SPAG16: variants seen among roughly 807,000 people sequenced by gnomAD.
SPAG16 encodes the protein sperm associated antigen 16.
In SPAG16, 86 loss-of-function variants were observed where a neutral mutation model predicts 80.4. The observed-to-expected ratio is 1.07, with a 90% CI of 0.90 to 1.28. The LOEUF (loss-of-function observed/expected upper bound fraction) is 1.28, where lower values mean the gene tolerates loss of function less well. Among genes scored for constraint, SPAG16 ranks in the 50% most tolerant of loss-of-function variants. SPAG16 has a pLI of 0.00. For missense variants in SPAG16, 870 were observed against 765.3 expected (o/e 1.14, Z -1.61); for synonymous variants, 294 against 265.9 (o/e 1.11, Z -1.03).
At chr2:214,050,132 G>A (rs1259450804) in intron 13 of SPAG16, among the ~76,000 whole-genome samples, 2 of 151,952 alleles carry the variant, frequency 1.3e-5, no homozygotes, top group African/African-American at 2.4e-5. Flanking sequence ...GGGAAGAGGC[G>A]AGAAGTGAAG....
chr2:213,597,011 T>C (rs573799264), intron 10 of SPAG16, among the ~76,000 whole-genome samples: 113 of 152,188 alleles, frequency 7.4e-4, no homozygotes, highest in African/African-American at 2.6e-3. Flanking sequence ...AGAATGCAAG[T>C]GAAAAAGACA....
rs71060436 is a variant in SPAG16, at chr2:213,525,284, C to CTTTT, written c.1070+35213_1070+35216dup. Among the ~76,000 whole-genome samples, 44 of 100,314 alleles carry CTTTT rather than the reference C, an allele frequency of 4.4e-4. 1 individual carries two copies. The highest frequency in any genetic ancestry group is 5.6e-4 in the East Asian group (2 of 3,544). 65.8% of individuals were successfully genotyped at this position (100,314 alleles called of 152,430 possible). On this transcript the variant is annotated intron_variant, in intron 10 of 15. Coordinates refer to ENST00000331683, the MANE Select transcript of SPAG16 (RefSeq NM_024532.5). ...AATCAATTAAACCTCTTTTCCTTTT[C>CTTTT]TTTTTTTTTTTTTTTTTTTTTTGAG...
intron 11 of SPAG16, among the ~76,000 whole-genome samples, chr2:213,887,849 T>C (rs529084393): frequency 6.6e-5 from 10 of 151,978 alleles, no homozygotes; most frequent in African/African-American, 2.4e-4. Context: ...TATTATTAAA[T>C]TGTACTTTAT....
rs1369089256 is a variant in SPAG16 at position 213,771,578 on chromosome 2, A to G, written c.1071-90907A>G. 3.3e-5 allele frequency among the ~76,000 whole-genome samples: 5 copies of G among 151,974 alleles called. No individual in the cohort carries two copies. The East Asian group carries it at 7.7e-4, about 23-fold the overall frequency. On this transcript the variant is annotated intron_variant, in intron 10 of 15. Coordinates refer to ENST00000331683, the MANE Select transcript of SPAG16 (RefSeq NM_024532.5). ...CTAGATTTTCTTCTAGGGTTTTTAT[A>G]GTTTTGGGTTTTACATTTAAGTCTT...
At chr2:214,141,381 C>T (rs1393818495) in intron 14 of SPAG16, among the ~76,000 whole-genome samples, 1 of 151,640 alleles carries the variant, frequency 6.6e-6, no homozygotes, top group Non-Finnish European at 1.5e-5. Flanking sequence ...GCAGGAGAAT[C>T]ACCTGAACCC....
intron 10 of SPAG16, among the ~76,000 whole-genome samples, chr2:213,490,457 T>C (rs959002828): frequency 3.1e-4 from 47 of 152,176 alleles, no homozygotes; most frequent in Admixed American, 8.5e-4. Flanking sequence ...TGTTAATAAG[T>C]TCTTTTTACT....
intron 15 of SPAG16, among the ~76,000 whole-genome samples, chr2:214,213,220 G>A (rs1318279708): frequency 6.6e-6 from 1 of 152,134 alleles, no homozygotes; most frequent in African/African-American, 2.4e-5. Flanking sequence ...ACCATATTAT[G>A]TATTAATACC....
At chr2:213,949,169 G>GTTTTTTTTTT (rs767648099) in intron 12 of SPAG16, among the ~76,000 whole-genome samples, 10 of 56,738 alleles carry the variant, frequency 1.8e-4, no homozygotes, top group Non-Finnish European at 2.5e-4. Context: ...AATTACAACA[G>GTTTTTTTTTT]TTTTTTTTTT....
chr2:214,176,808 A>ATG (rs141462328), intron 15 of SPAG16, among the ~76,000 whole-genome samples: 40,261 of 149,882 alleles, frequency 0.27, 5,598 homozygotes, highest in South Asian at 0.33. Flanking sequence ...AATTTATTGA[A>ATG]TGTGTGTGTG....
chr2:214,118,226 A>C (rs1559814190), intron 14 of SPAG16, among the ~76,000 whole-genome samples: 1 of 152,224 alleles, frequency 6.6e-6, no homozygotes, highest in Non-Finnish European at 1.5e-5. Flanking sequence ...GATATGACAA[A>C]GAAGCCCATT....
At chr2:213,417,134 T>G (rs2069304185) in intron 9 of SPAG16, among the ~76,000 whole-genome samples, 1 of 152,152 alleles carries the variant, frequency 6.6e-6, no homozygotes, top group African/African-American at 2.4e-5. Context: ...TTGGCTAGAC[T>G]TTCCTGTCTT....
intron 13 of SPAG16, among the ~76,000 whole-genome samples, chr2:214,070,010 T>A (rs756623781): frequency 6.6e-6 from 1 of 152,022 alleles, no homozygotes; most frequent in Non-Finnish European, 1.5e-5. Context: ...TATATGTGTT[T>A]TGGCAATTTT....
At chr2:214,333,217 T>C (rs143834780) in intron 15 of SPAG16, among the ~76,000 whole-genome samples, 1 of 152,316 alleles carries the variant, frequency 6.6e-6, no homozygotes, top group Non-Finnish European at 1.5e-5. Flanking sequence ...ATCTTGGCTT[T>C]TTATTGGTGC....
chr2:213,912,835 C>A (rs1303238519), intron 11 of SPAG16, among the ~76,000 whole-genome samples: 6 of 151,956 alleles, frequency 3.9e-5, no homozygotes, highest in Non-Finnish European at 7.4e-5. Context: ...ATAAACAATA[C>A]CCCCAAAAAA....
chr2:213,317,347 A>G lies in SPAG16; in HGVS notation c.527A>G (p.Gln176Arg). ...NLKKDLKHYK[Q>R]AADKAREDLL... ...AAGAAAGATTTGAAGCACTACAAAC[A>G]AGCAGCTGAGTATGTTATTTTTTAA... Residue 176 changes from glutamine to arginine, a missense_variant, in exon 5 of 16, where the codon CAA (glutamine) becomes CGA (arginine). Physicochemically the swap from Gln to Arg is conservative, Grantham distance 43 (BLOSUM62 1). Transcript: ENST00000331683. The G allele has an allele frequency of 6.2e-7, 1 of 1,607,794 alleles. No individual in the cohort carries two copies. Among genetic ancestry groups the G allele is most frequent in the African/African-American group, 1.3e-5 (1 of 74,702 alleles).
chr2:213,375,367 A>G (rs929509295), intron 9 of SPAG16: 1 of 325,568 alleles, frequency 3.1e-6, no homozygotes, highest in Non-Finnish European at 5.7e-6. Flanking sequence ...CAACATAATC[A>G]TGATCATGTC....
chr2:213,861,183 A>G (rs765835397), intron 10 of SPAG16, among the ~76,000 whole-genome samples: 1 of 152,228 alleles, frequency 6.6e-6, no homozygotes, highest in African/African-American at 2.4e-5. Flanking sequence ...CATAGTGGTT[A>G]CATGGCTTTG....
Position 214,184,632 on chromosome 2 carries a change from T to A in SPAG16, c.1720+35366T>A, listed in dbSNP as rs570070582. Among the ~76,000 whole-genome samples the A allele has an allele frequency of 7.2e-5, 11 of 152,152 alleles. No homozygotes were observed. The South Asian group carries it at 2.3e-3, about 32-fold the overall frequency. ...CAGTTTCAGGGCCAAAAACAAAAGG[T>A]CATAATTTGATAAAAATCTTATTGC... On this transcript the variant is annotated intron_variant, in intron 15 of 15. Coordinates refer to ENST00000331683, the MANE Select transcript of SPAG16 (RefSeq NM_024532.5).
At chr2:213,775,701 C>A (rs563427379) in intron 10 of SPAG16, among the ~76,000 whole-genome samples, 5 of 152,314 alleles carry the variant, frequency 3.3e-5, no homozygotes, top group African/African-American at 1.2e-4. Flanking sequence ...ATTTTAGATT[C>A]TTCATATAAG....
Sources: allele counts gnomAD v4.1 joint callset (sites outside exome capture counted in the v4.1 genomes callset), GRCh38; gene constraint gnomAD v4.1.1; transcripts MANE v1.5; gene names NCBI Gene and HGNC (gene_info 2026-07-23, HGNC 2026-07-21).